The following ZNF587 variants were observed in gnomAD, a reference collection of about 807,000 sequenced individuals.
The protein encoded by ZNF587 is zinc finger protein 587, also known as zinc finger protein zfp6.
ZNF587 carries 8 observed loss-of-function variants against 7.5 expected under a neutral mutation model. The observed-to-expected ratio is 1.06, with a 90% CI of 0.62 to 1.92. The LOEUF (loss-of-function observed/expected upper bound fraction) is 1.92, where lower values mean the gene tolerates loss of function less well. ZNF587 is among the 40% of genes most tolerant of loss of function. The pLI is 0.00. For missense variants in ZNF587, 468 were observed against 692.8 expected (o/e 0.68, Z 3.64); for synonymous variants, 145 against 237.8 (o/e 0.61, Z 3.59).
chr19:57,858,274 C>A, intron 2 of ZNF587: 1 of 390,856 alleles, frequency 2.6e-6, no homozygotes, highest in Non-Finnish European at 4.6e-6. Flanking sequence ...TTACAGGTGT[C>A]CACAACCACA....
chr19:57,857,742 C>T (rs1294487038), intron 2 of ZNF587, among the ~76,000 whole-genome samples: 12 of 151,896 alleles, frequency 7.9e-5, no homozygotes, highest in Admixed American at 7.9e-4. Flanking sequence ...TCAAGCGATT[C>T]TCCTGCCTCA....
chr19:57,850,141 G>A, intron 1 of ZNF587, 70 bp downstream of exon 1: 1 of 1,613,654 alleles, frequency 6.2e-7, no homozygotes, highest in Non-Finnish European at 8.5e-7. Flanking sequence ...GCGAGGGAGC[G>A]GCTCCTGCTC....
intron 1 of ZNF587, among the ~76,000 whole-genome samples, chr19:57,855,025 A>G (rs1160868051): frequency 6.6e-6 from 1 of 151,726 alleles, no homozygotes; most frequent in African/African-American, 2.4e-5. Flanking sequence ...AAAAAAAAAA[A>G]TACAAAAAAT....
Position 57,860,170 on chromosome 19 carries a change from A to T in ZNF587, c.*30A>T. 1.2e-6 allele frequency: 2 copies of T among 1,614,080 alleles called. No individual in the cohort carries two copies. The highest frequency in any genetic ancestry group is 1.7e-6 in the Non-Finnish European group (2 of 1,179,970). On this transcript the variant is annotated 3_prime_UTR_variant, in exon 3 of 3. Transcript: ENST00000339656. ...AGTGAATATGGGAAATCGTTTGCTGAAGCATCCCGTCTCGTTAAACACAGG... is the reference window on the plus strand; with the variant it reads ...AGTGAATATGGGAAATCGTTTGCTGTAGCATCCCGTCTCGTTAAACACAGG...
Position 57,861,766 on chromosome 19 carries a change from T to TG in ZNF587, c.*1628dup, listed in dbSNP as rs2071434766. The TG allele has an allele frequency of 7.0e-6, 1 of 143,068 alleles. No homozygotes were observed. Among genetic ancestry groups the TG allele is most frequent in the African/African-American group, 2.7e-5 (1 of 37,162 alleles). The allele number at this position is 143,068 out of a possible 1,614,324, so 8.9% of individuals were successfully genotyped here. On this transcript the variant is annotated 3_prime_UTR_variant, in exon 3 of 3. Transcript: ENST00000339656. ...ATGTCACTTTGCTGCAAGGAATATT[T>TG]GGTTTTCTTTTTTTTTTTTTTTTCC...
At position 57,860,889 on chromosome 19, in the gene ZNF587, A is replaced by T. The variant is rs1218518539; in HGVS notation, c.*749A>T. Reference sequence around the variant, plus strand: ...CAACTCTTTTTTGAGACAGAGTCTCACTCTGTCACCCAGGCGGGAGTTAGG... The same window carrying T: ...CAACTCTTTTTTGAGACAGAGTCTCTCTCTGTCACCCAGGCGGGAGTTAGG... On this transcript the variant is annotated 3_prime_UTR_variant, in exon 3 of 3. Transcript: ENST00000339656. 6.6e-6 allele frequency: 1 copy of T among 151,694 alleles called. No homozygotes were observed. The highest frequency in any genetic ancestry group is 2.4e-5 in the African/African-American group (1 of 41,264). 9.4% of individuals were successfully genotyped at this position (151,694 alleles called of 1,614,324 possible).
At chr19:57,853,860 AT>A (rs1406282199) in intron 1 of ZNF587, 2 of 151,682 alleles carry the variant, frequency 1.3e-5, no homozygotes, top group African/African-American at 4.9e-5. Context: ...GGTTCAAGCA[AT>A]TCTCCTGCCT....
rs1568511421 is a variant in ZNF587, at chr19:57,863,260, GGT to G, written c.*3122_*3123del. The G allele has an allele frequency of 9.8e-5, 15 of 152,384 alleles. No homozygotes were observed. The highest frequency in any genetic ancestry group is 7.2e-4 in the Admixed American group (11 of 15,284). The allele number at this position is 152,384 out of a possible 1,614,324, so 9.4% of individuals were successfully genotyped here. On this transcript the variant is annotated 3_prime_UTR_variant, in exon 3 of 3. Coordinates refer to ENST00000339656, the MANE Select transcript of ZNF587 (RefSeq NM_032828.4). ...AGCCACCTCTTTAGCTGGGATTACAGGTGCGTGCCACCACACCCAGCTAATTT... is the reference window on the plus strand; with the variant it reads ...AGCCACCTCTTTAGCTGGGATTACAGGCGTGCCACCACACCCAGCTAATTT...
intron 1 of ZNF587, chr19:57,850,677 T>C (rs2071270517): frequency 2.5e-6 from 1 of 397,864 alleles, no homozygotes; most frequent in East Asian, 3.6e-5. Flanking sequence ...GAATACGCAT[T>C]TAAAAGGCGG....
intron 1 of ZNF587, chr19:57,854,157 T>C (rs972532278): frequency 1.3e-5 from 2 of 152,140 alleles, no homozygotes; most frequent in Admixed American, 6.5e-5. Flanking sequence ...GTGAAAAATA[T>C]GCTCATCTGT....
chr19:57,856,215 G>A lies in ZNF587; in HGVS notation c.145G>A (p.Ala49Thr), dbSNP rs2071353436. Residue 49 changes from alanine to threonine, a missense_variant, in exon 2 of 3, where the codon GCT becomes ACT. Physicochemically the swap from Ala to Thr is moderately conservative, Grantham distance 58. Around this residue, in one of 5 missense-constraint regions of ZNF587, gnomAD observed 92 missense variants for 89.7 expected, o/e 1.03. Coordinates refer to ENST00000339656, the MANE Select transcript of ZNF587 (RefSeq NM_032828.4). ...LYRDVMLENL[A>T]LISSLGCWCG... ...CCGTGATGTGATGCTAGAGAACCTG[G>A]CTCTCATATCCTCGCTGGGTAAGTT... 3 of 1,592,978 alleles carry A rather than the reference G, an allele frequency of 1.9e-6. No homozygotes were observed. Among genetic ancestry groups the A allele is most frequent in the South Asian group, 1.1e-5 (1 of 89,378 alleles).
chr19:57,864,473 A>C lies in ZNF587; in HGVS notation c.*4333A>C. 6.6e-6 allele frequency: 1 copy of C among 152,026 alleles called. No individual in the cohort carries two copies. The highest frequency in any genetic ancestry group is 2.1e-4 in the South Asian group (1 of 4,824). 9.4% of individuals were successfully genotyped at this position (152,026 alleles called of 1,614,324 possible). On this transcript the variant is annotated 3_prime_UTR_variant, in exon 3 of 3. Transcript: ENST00000339656. ...ATGATAGCATGATGTATAGGCACCTAAAGGCATGGCACTTGAGAAATGTGA... is the reference window on the plus strand; with the variant it reads ...ATGATAGCATGATGTATAGGCACCTCAAGGCATGGCACTTGAGAAATGTGA...
chr19:57,854,982 C>T (rs535792066), intron 1 of ZNF587, among the ~76,000 whole-genome samples: 20 of 151,848 alleles, frequency 1.3e-4, no homozygotes, highest in Middle Eastern at 6.8e-3. Flanking sequence ...CGAGACCATC[C>T]TGGCTAACAC....
At chr19:57,854,251 A>T (rs997023893) in intron 1 of ZNF587, 4 of 152,038 alleles carry the variant, frequency 2.6e-5, no homozygotes, top group African/African-American at 7.3e-5. Flanking sequence ...GCTACAGCTG[A>T]GGTCTCAGCT....
At chr19:57,850,794 G>C (rs905491298) in intron 1 of ZNF587, 3 of 387,154 alleles carry the variant, frequency 7.7e-6, no homozygotes, top group Non-Finnish European at 1.4e-5. Flanking sequence ...ATTGGAGGGG[G>C]AGGAAGCGAT....
rs144333592 is a variant in ZNF587 at position 57,858,186 on chromosome 19, C to T, written c.164-390C>T. 7.5e-3 allele frequency: 1,278 copies of T among 171,332 alleles called. 11 individuals are homozygous for T. The highest frequency in any genetic ancestry group is 0.018 in the East Asian group (114 of 6,292). 10.6% of individuals were successfully genotyped at this position (171,332 alleles called of 1,614,324 possible). A position where few individuals can be genotyped will look rare whatever the true frequency, so the allele number is the denominator to read the frequency against. On this transcript the variant is annotated intron_variant, in intron 2 of 2. Coordinates refer to ENST00000339656, the MANE Select transcript of ZNF587 (RefSeq NM_032828.4). ...TGTTGTCCAGGCTGGGGTGCAGTGGCGTAATCACTGCTCACTACAAACCTC... is the reference window on the plus strand; with the variant it reads ...TGTTGTCCAGGCTGGGGTGCAGTGGTGTAATCACTGCTCACTACAAACCTC...
intron 1 of ZNF587, chr19:57,850,555 G>A (rs1288898330): frequency 1.7e-5 from 7 of 420,254 alleles, no homozygotes; most frequent in Admixed American, 1.2e-4. Flanking sequence ...TCCATCCAGT[G>A]CAGGATCTGC....
In ZNF587 at chr19:57,850,003, C is replaced by T. The variant is rs139873841; in HGVS notation, c.-36C>T. ...CGGCTCTGCAGCCCCGTGACGGCGA[C>T]CACTGCTCCCGGGCCGTGCTTCCCC... is the stretch of plus-strand genomic sequence containing the variant. On this transcript the variant is annotated 5_prime_UTR_variant, in exon 1 of 3. Coordinates refer to ENST00000339656, the MANE Select transcript of ZNF587 (RefSeq NM_032828.4). The T allele has an allele frequency of 0.064, 103,841 of 1,614,098 alleles. 3,896 individuals carry two copies. The highest frequency in any genetic ancestry group is 0.074 in the Middle Eastern group (448 of 6,034).
At chr19:57,850,632 G>A (rs913099812) in intron 1 of ZNF587, 32 of 399,640 alleles carry the variant, frequency 8.0e-5, no homozygotes, top group East Asian at 5.7e-4. Context: ...CAGATACCCC[G>A]AGTCCTGCGG....
Sources: gnomAD v4.1 joint callset for allele counts (sites outside exome capture counted in the v4.1 genomes callset) on GRCh38, gnomAD v4.1.1 for gene constraint, gnomAD v4.1.1 regional missense constraint, MANE v1.5 for transcripts, NCBI Gene and HGNC (gene_info 2026-07-23, HGNC 2026-07-21) for gene names.